Variants in ATIC observed in about 807,000 individuals in gnomAD.
ATIC encodes the protein bifunctional purine biosynthesis protein ATIC.
Under a neutral mutation model 72.5 loss-of-function variants are expected in ATIC, and 64 were observed. The ratio of observed to expected loss-of-function variants is 0.88; its 90% CI spans 0.72 to 1.09. The LOEUF is 1.09. ATIC is among the 50% of genes least tolerant of loss of function. ATIC has a pLI of 0.00. For synonymous variants in ATIC, 281 were observed against 267.1 expected (o/e 1.05, Z -0.51); for missense variants, 787 against 732.4 (o/e 1.07, Z -0.86).
intron 4 of ATIC, among the ~76,000 whole-genome samples, chr2:215,322,314 G>C (rs2052776480): frequency 6.7e-6 from 1 of 149,372 alleles, no homozygotes; most frequent in Admixed American, 6.7e-5. Context: ...GAAGATTTTT[G>C]TGTATATTTT....
At chr2:215,357,848 C>CT in the ATIC span, among the ~76,000 whole-genome samples, 5,036 of 143,132 alleles carry the variant, frequency 0.035, 240 homozygotes, top group African/African-American at 0.12. Context: ...CAACAGCGGT[C>CT]TTTTTTTTTT....
rs2052728477 is a variant in ATIC at position 215,318,071 on chromosome 2, T to C, written c.147-86T>C. The C allele has an allele frequency of 8.1e-6, 10 of 1,233,410 alleles. No individual in the cohort carries two copies. In the Admixed American group the frequency reaches 1.5e-4, roughly 19 times the overall value. The allele number at this position is 1,233,410 out of a possible 1,614,324, so 76.4% of individuals were successfully genotyped here. The stretch of plus-strand genomic sequence containing the variant: ...ACGTTGAATTCAGGCTCAAAATCTC[T>C]TGAAATGAAAACAGTAGATGCTTTG... On this transcript the variant is annotated intron_variant, in intron 2 of 15. Transcript: ENST00000236959.
In ATIC at chr2:215,319,704, T is replaced by C. The variant is rs1168078483; in HGVS notation, c.263T>C (p.Met88Thr). The change falls in exon 4 of 16, where the codon ATG becomes ACG. Residue 88 changes from methionine (M) to threonine (T), a missense_variant. Coordinates refer to ENST00000236959, the MANE Select transcript of ATIC (RefSeq NM_004044.7). The stretch of plus-strand genomic sequence containing the variant: ...AATATTCCAGAAGATAATGCTGACA[T>C]GGCCAGACTTGATTTCAATCTTATA... ...ARNIPEDNAD[M>T]ARLDFNLIRV... 4.3e-6 allele frequency: 7 copies of C among 1,612,226 alleles called. No homozygotes were observed. Among genetic ancestry groups the C allele is most frequent in the Non-Finnish European group, 5.9e-6 (7 of 1,178,430 alleles).
At chr2:215,365,326 AATC>A in the ATIC span, among the ~76,000 whole-genome samples, 1 of 152,224 alleles carries the variant, frequency 6.6e-6, no homozygotes, top group Admixed American at 6.5e-5. Flanking sequence ...AATAACATTA[AATC>A]ATGACTCATT....
rs150994921 is a variant in ATIC at position 215,325,330 on chromosome 2, G to A, written c.379+1G>A. 77 of 1,611,102 alleles carry A rather than the reference G, an allele frequency of 4.8e-5. No homozygotes were observed. Among genetic ancestry groups the A allele is most frequent in the Non-Finnish European group, 6.2e-5 (73 of 1,177,342 alleles). On this transcript the variant is annotated splice_donor_variant, in intron 5 of 15. Coordinates refer to ENST00000236959, the MANE Select transcript of ATIC (RefSeq NM_004044.7). LOFTEE classifies it high-confidence loss of function. ...GAGGCTGTGGAGCAAATTGACATTG[G>A]TAAGTCAGAAAAACCATTTTAGAAG...
the ATIC span, chr2:215,361,675 G>A: frequency 7.2e-7 from 1 of 1,394,838 alleles, no homozygotes; most frequent in Non-Finnish European, 1.0e-6. Context: ...ATACTGTAAA[G>A]TGTACAGAAA....
intron 14 of ATIC, among the ~76,000 whole-genome samples, chr2:215,348,419 A>G (rs558327145): frequency 3.9e-5 from 6 of 152,316 alleles, no homozygotes; most frequent in African/African-American, 1.4e-4. Context: ...TCTAATAGAC[A>G]TAAAGTAGTA....
At chr2:215,329,448 C>G (rs931910356) in intron 7 of ATIC, among the ~76,000 whole-genome samples, 1 of 152,158 alleles carries the variant, frequency 6.6e-6, no homozygotes, top group African/African-American at 2.4e-5. Flanking sequence ...CAGGATTTCT[C>G]CCCAACATGG....
At position 215,326,140 on chromosome 2, in the gene ATIC, TG is replaced by T. The variant is rs1400748549; in HGVS notation, c.531+5del. On this transcript the variant is annotated splice_donor_region_variant and intron_variant, in intron 6 of 15. Transcript: ENST00000236959. ...ACTAGACGCCAGTTAGCCTTGAAGG[TG>T]GGATGCACTTTCATGATATTGTAAG... 1 of 1,613,710 alleles carries T rather than the reference TG, an allele frequency of 6.2e-7. No individual in the cohort carries two copies. The highest frequency in any genetic ancestry group is 8.5e-7 in the Non-Finnish European group (1 of 1,179,840).
the ATIC span, chr2:215,360,405 A>T: frequency 6.6e-6 from 1 of 152,200 alleles, no homozygotes; most frequent in African/African-American, 2.4e-5. Flanking sequence ...TTATCATACC[A>T]TGGGGTTTCC....
At chr2:215,333,490 G>T (rs779348751) in intron 9 of ATIC, 33 bp downstream of exon 9, 15 of 1,545,638 alleles carry the variant, frequency 9.7e-6, no homozygotes, top group Non-Finnish European at 1.2e-5. Flanking sequence ...ATTTGGGGGA[G>T]AAAGAAAAAG....
chr2:215,346,689 G>A (rs1405431105), intron 13 of ATIC, 70 bp from the exon 14 acceptor site: 4 of 1,529,460 alleles, frequency 2.6e-6, no homozygotes, highest in Non-Finnish European at 3.6e-6. Flanking sequence ...TGGAGAATGT[G>A]CACAAAAGAT....
chr2:215,366,356 C>T, the ATIC span, among the ~76,000 whole-genome samples: 1 of 151,970 alleles, frequency 6.6e-6, no homozygotes, highest in Non-Finnish European at 1.5e-5. Context: ...TTGCAGAAAC[C>T]CTGGATACAA....
chr2:215,349,332 A>G, intron 15 of ATIC, 83 bp downstream of exon 15: 2 of 1,600,856 alleles, frequency 1.2e-6, no homozygotes, highest in Non-Finnish European at 1.7e-6. Flanking sequence ...GATTTTTAAA[A>G]GGTGTGGCAA....
downstream of ATIC, among the ~76,000 whole-genome samples, chr2:215,354,188 C>G (rs1248434953): frequency 6.6e-6 from 1 of 151,844 alleles, no homozygotes; most frequent in Non-Finnish European, 1.5e-5. Context: ...ACCACCACAC[C>G]CGGCCAATTT....
At chr2:215,321,705 T>C (rs78924134) in intron 4 of ATIC, among the ~76,000 whole-genome samples, 3,117 of 152,360 alleles carry the variant, frequency 0.02, 39 homozygotes, top group Non-Finnish European at 0.026. Flanking sequence ...ATTGTGGTTA[T>C]AATTTGCTTT....
At chr2:215,341,873 A>C (rs2053023023) in intron 12 of ATIC, among the ~76,000 whole-genome samples, 1 of 152,130 alleles carries the variant, frequency 6.6e-6, no homozygotes, top group African/African-American at 2.4e-5. Context: ...TGGGCAATTT[A>C]TAAAGAAAAG....
chr2:215,312,285 C>A, intron 1 of ATIC, 124 bp downstream of exon 1: 1 of 1,441,514 alleles, frequency 6.9e-7, no homozygotes. Flanking sequence ...AAGCCAGCGT[C>A]CCCGCTCCCC....
chr2:215,367,125 C>A, the ATIC span, among the ~76,000 whole-genome samples: 64 of 152,298 alleles, frequency 4.2e-4, no homozygotes, highest in Middle Eastern at 0.01. Context: ...TAACGGTCAA[C>A]ACCTATAAAA....
Sources: allele counts gnomAD v4.1 joint callset (sites outside exome capture counted in the v4.1 genomes callset), GRCh38; gene constraint gnomAD v4.1.1; transcripts MANE v1.5; gene names NCBI Gene and HGNC (gene_info 2026-07-23, HGNC 2026-07-21).